SEMA3D: variants seen among roughly 807,000 people sequenced by gnomAD.
SEMA3D encodes semaphorin-3D.
SEMA3D carries 84 observed loss-of-function variants against 100.1 expected under a neutral mutation model. The ratio of observed to expected loss-of-function variants is 0.84; its 90% CI spans 0.70 to 1.01. The LOEUF (loss-of-function observed/expected upper bound fraction) is 1.01. Ranked by LOEUF, SEMA3D falls within the 50% of genes least tolerant of loss-of-function variation. The pLI is 0.00. For synonymous variants in SEMA3D, 312 were observed against 320.7 expected (o/e 0.97, Z 0.29); for missense variants, 875 against 934.1 (o/e 0.94, Z 0.82).
At position 85,006,612 on chromosome 7, in the gene SEMA3D, C is replaced by T. The variant is rs117431240; in HGVS notation, c.1908+190G>A. Among the ~76,000 whole-genome samples the T allele has an allele frequency of 2.0e-4, 31 of 151,882 alleles. No homozygotes were observed. The East Asian group carries it at 5.5e-3, about 27-fold the overall frequency. On this transcript the variant is annotated intron_variant, in intron 18 of 18. Transcript: ENST00000284136. The stretch of plus-strand genomic sequence containing the variant: ...TCAGTCTGCTTTCAAATATATTTTA[C>T]GAATACATTTGTGTGAAGTTGGCCT...
intron 1 of SEMA3D, among the ~76,000 whole-genome samples, chr7:85,174,547 G>C (rs1175230833): frequency 6.6e-6 from 1 of 152,078 alleles, no homozygotes; most frequent in Non-Finnish European, 1.5e-5. Context: ...GCAAGACTTG[G>C]CAATATGCTA....
chr7:85,066,913 C>CATACACACACACAGAGAG, intron 7 of SEMA3D, among the ~76,000 whole-genome samples: 8 of 127,820 alleles, frequency 6.3e-5, no homozygotes, highest in Admixed American at 2.3e-4. Flanking sequence ...CACACACACA[C>CATACACACACACAGAGAG]AGAGAGAGAG....
chr7:85,208,823 A>G, the SEMA3D span, among the ~76,000 whole-genome samples: 1 of 152,048 alleles, frequency 6.6e-6, no homozygotes, highest in African/African-American at 2.4e-5. Context: ...TTATTTATAT[A>G]TAGCTTTATA....
At chr7:85,006,759 C>T (rs777358566) in intron 18 of SEMA3D, 43 bp downstream of exon 18, 1 of 1,513,332 alleles carries the variant, frequency 6.6e-7, no homozygotes, top group Non-Finnish European at 9.0e-7. Context: ...CAATCGTACA[C>T]TATTTCCCTC....
intron 2 of SEMA3D, chr7:85,141,466 C>T (rs1790051384): frequency 1.0e-6 from 1 of 984,904 alleles, no homozygotes; most frequent in Non-Finnish European, 1.2e-6. Flanking sequence ...TGATCTTTCT[C>T]CACTGGAAGA....
At chr7:85,055,490 CT>C (rs555489742) in intron 9 of SEMA3D, among the ~76,000 whole-genome samples, 1 of 151,172 alleles carries the variant, frequency 6.6e-6, no homozygotes, top group Non-Finnish European at 1.5e-5. Flanking sequence ...GAACTCTTTC[CT>C]TTTTCTTTCT....
At chr7:85,089,124 G>C (rs1434843863) in intron 4 of SEMA3D, among the ~76,000 whole-genome samples, 1 of 152,138 alleles carries the variant, frequency 6.6e-6, no homozygotes, top group Non-Finnish European at 1.5e-5. Flanking sequence ...CCTTAGGTAG[G>C]TGTGAATCTC....
the SEMA3D span, among the ~76,000 whole-genome samples, chr7:85,244,496 C>G: frequency 6.6e-6 from 1 of 151,970 alleles, no homozygotes; most frequent in Admixed American, 6.6e-5. Flanking sequence ...TATACTTATC[C>G]TTATAAAACA....
chr7:85,209,596 C>G, the SEMA3D span, among the ~76,000 whole-genome samples: 1 of 151,946 alleles, frequency 6.6e-6, no homozygotes, highest in Non-Finnish European at 1.5e-5. Context: ...TGATTACTTC[C>G]TTTCTTATCC....
At chr7:85,138,655 A>AATATAT (rs57748241) in intron 2 of SEMA3D, among the ~76,000 whole-genome samples, 1 of 144,248 alleles carries the variant, frequency 6.9e-6, no homozygotes, top group African/African-American at 2.5e-5. Context: ...TATTTAATTT[A>AATATAT]ATATATATAT....
At chr7:85,065,621 A>C (rs147281782) in intron 7 of SEMA3D, 69 bp from the exon 8 acceptor site, 1 of 1,144,618 alleles carries the variant, frequency 8.7e-7, no homozygotes, top group Non-Finnish European at 1.3e-6. Context: ...ACATGTACAA[A>C]TTTCACAGCA....
At chr7:85,079,183 A>C (rs1787980284) in intron 5 of SEMA3D, among the ~76,000 whole-genome samples, 1 of 152,196 alleles carries the variant, frequency 6.6e-6, no homozygotes, top group South Asian at 2.1e-4. Context: ...ATAATAATAA[A>C]ATCTAGCATA....
intron 4 of SEMA3D, among the ~76,000 whole-genome samples, chr7:85,092,527 C>T (rs1024074434): frequency 6.6e-6 from 1 of 151,840 alleles, no homozygotes; most frequent in Non-Finnish European, 1.5e-5. Context: ...ACTGACAAAA[C>T]CAAACCAATA....
At chr7:85,094,687 T>C (rs879686077) in intron 4 of SEMA3D, among the ~76,000 whole-genome samples, 1 of 151,946 alleles carries the variant, frequency 6.6e-6, no homozygotes, top group Non-Finnish European at 1.5e-5. Flanking sequence ...CACTTCTGGT[T>C]CTGATTGTTC....
At chr7:85,047,463 G>C (rs1456881193) in intron 9 of SEMA3D, among the ~76,000 whole-genome samples, 3 of 151,766 alleles carry the variant, frequency 2.0e-5, no homozygotes, top group African/African-American at 4.8e-5. Flanking sequence ...GGGTCACTAT[G>C]CTGGGTTCCT....
intron 8 of SEMA3D, among the ~76,000 whole-genome samples, chr7:85,057,161 A>G (rs1190578017): frequency 1.3e-5 from 2 of 152,072 alleles, no homozygotes; most frequent in Non-Finnish European, 2.9e-5. Flanking sequence ...AATGTTTGCA[A>G]TATGATGAAC....
chr7:85,019,113 G>C (rs1337074241), intron 14 of SEMA3D, among the ~76,000 whole-genome samples: 1 of 151,654 alleles, frequency 6.6e-6, no homozygotes, highest in Non-Finnish European at 1.5e-5. Context: ...CATACAATAT[G>C]TTCAGTTTTT....
At chr7:85,047,336 T>A (rs1453563537) in intron 9 of SEMA3D, among the ~76,000 whole-genome samples, 2 of 151,790 alleles carry the variant, frequency 1.3e-5, no homozygotes, top group Non-Finnish European at 2.9e-5. Flanking sequence ...AATATGGCAT[T>A]ATATTTTCCT....
At chr7:85,225,050 TTATATATATATATATA>T in the SEMA3D span, among the ~76,000 whole-genome samples, 741 of 77,228 alleles carry the variant, frequency 9.6e-3, 21 homozygotes, top group East Asian at 0.062. Context: ...TGATTTTCTT[TTATATATATATATATA>T]TATATATATA....
Sources: allele counts gnomAD v4.1 joint callset (sites outside exome capture counted in the v4.1 genomes callset), GRCh38; gene constraint gnomAD v4.1.1; transcripts MANE v1.5; gene names NCBI Gene and HGNC (gene_info 2026-07-23, HGNC 2026-07-21).